The following DLG2 variants were observed in gnomAD, a reference collection of about 807,000 sequenced individuals.
DLG2 encodes discs large MAGUK scaffold protein 2.
DLG2 carries 45 observed loss-of-function variants against 132.5 expected under a neutral mutation model. That is an observed-to-expected ratio of 0.34 (90% CI 0.27 to 0.44). The LOEUF (loss-of-function observed/expected upper bound fraction) is 0.44. Among genes scored for constraint, DLG2 ranks in the 20% least tolerant of loss-of-function variants. The pLI, the probability that DLG2 is intolerant of heterozygous loss-of-function variation, is 1.00. For synonymous variants in DLG2, 424 were observed against 419.6 expected (o/e 1.01, Z -0.13); for missense variants, 1,045 against 1,196.9 (o/e 0.87, Z 1.87).
chr11:85,496,746 G>T lies in DLG2; in HGVS notation c.40+101911C>A, dbSNP rs554055227. Among the ~76,000 whole-genome samples, 3 of 152,264 alleles carry T rather than the reference G, an allele frequency of 2.0e-5. No homozygotes were observed. In the East Asian group the frequency reaches 5.8e-4, roughly 29 times the overall value. On this transcript the variant is annotated intron_variant, in intron 3 of 27. Coordinates refer to ENST00000376104, the MANE Select transcript of DLG2 (RefSeq NM_001142699.3). ...GAGGAAGGATCAGGCAGCAATATTT[G>T]CTGTTCTGCAACCTCCACCAGTGAT... is the stretch of plus-strand genomic sequence containing the variant.
chr11:83,859,634 A>C (rs7943977), intron 16 of DLG2, among the ~76,000 whole-genome samples: 81,910 of 152,022 alleles, frequency 0.54, 23,376 homozygotes, highest in Non-Finnish European at 0.64. Flanking sequence ...GCAGTTTGAC[A>C]ATGGGATAGA....
At position 84,899,114 on chromosome 11, in the gene DLG2, A is replaced by G. The variant is rs112564131; in HGVS notation, c.357+212547T>C. ...ATAGATCACTAAATAATCTTCTATA[A>G]AGAGAATTAAATAAATAAAACTGAT... On this transcript the variant is annotated intron_variant, in intron 6 of 27. Transcript: ENST00000376104. Among the ~76,000 whole-genome samples the G allele has an allele frequency of 4.1e-3, 630 of 152,196 alleles. 4 individuals carry two copies. Among genetic ancestry groups the G allele is most frequent in the African/African-American group, 0.015 (617 of 41,566 alleles).
chr11:84,948,388 G>C (rs571137485), intron 6 of DLG2, among the ~76,000 whole-genome samples: 1 of 152,152 alleles, frequency 6.6e-6, no homozygotes, highest in Admixed American at 6.5e-5. Flanking sequence ...CCAGAGATAA[G>C]CCCTGATGGC....
chr11:84,597,964 A>C (rs2099567792), intron 6 of DLG2, among the ~76,000 whole-genome samples: 1 of 152,244 alleles, frequency 6.6e-6, no homozygotes, highest in Non-Finnish European at 1.5e-5. Context: ...ATAGTGCTTA[A>C]TCAATCTATG....
chr11:84,711,915 G>C (rs2060496445), intron 6 of DLG2, among the ~76,000 whole-genome samples: 1 of 151,976 alleles, frequency 6.6e-6, no homozygotes. Context: ...CTTTATTTCA[G>C]GGATCTTCCA....
chr11:84,567,171 G>C (rs185681954), intron 6 of DLG2, among the ~76,000 whole-genome samples: 2 of 151,266 alleles, frequency 1.3e-5, no homozygotes, highest in Non-Finnish European at 2.9e-5. Context: ...AAGCGTTATT[G>C]AAAGAATAGA....
At chr11:85,606,362 A>G (rs1233550607) in intron 2 of DLG2, among the ~76,000 whole-genome samples, 1 of 152,170 alleles carries the variant, frequency 6.6e-6, no homozygotes, top group Non-Finnish European at 1.5e-5. Context: ...AGGATTGTAA[A>G]TGCACCAATC....
chr11:85,166,109 G>A (rs1331444045), intron 4 of DLG2, among the ~76,000 whole-genome samples: 3 of 151,890 alleles, frequency 2.0e-5, no homozygotes, highest in African/African-American at 4.8e-5. Context: ...CATTTCACAC[G>A]ATTGACCTCT....
intron 16 of DLG2, among the ~76,000 whole-genome samples, chr11:83,873,309 G>T (rs2040308): frequency 6.6e-6 from 1 of 151,928 alleles, no homozygotes; most frequent in African/African-American, 2.4e-5. Flanking sequence ...TGGTTTGGCT[G>T]TGTGTCCCCA....
At chr11:83,561,288 T>C (rs548327) in intron 19 of DLG2, among the ~76,000 whole-genome samples, 109,184 of 152,064 alleles carry the variant, frequency 0.72, 39,837 homozygotes, top group African/African-American at 0.85. Context: ...TGACACCATA[T>C]ATGAATACCC....
chr11:83,997,010 T>C (rs2094066713), intron 11 of DLG2, among the ~76,000 whole-genome samples: 1 of 152,106 alleles, frequency 6.6e-6, no homozygotes, highest in South Asian at 2.1e-4. Context: ...CTTGAGAGGA[T>C]GGATATCCCA....
intron 7 of DLG2, among the ~76,000 whole-genome samples, chr11:84,508,436 C>T (rs1242943082): frequency 2.1e-5 from 3 of 145,642 alleles, no homozygotes; most frequent in Admixed American, 6.9e-5. Flanking sequence ...GACAGAGTCT[C>T]GCTGTTGCCA....
chr11:84,321,111 T>A (rs1599833128), intron 7 of DLG2, among the ~76,000 whole-genome samples: 2 of 152,352 alleles, frequency 1.3e-5, no homozygotes, highest in East Asian at 3.9e-4. Flanking sequence ...ATTAAACTAA[T>A]GTCACTTCTG....
At chr11:85,106,993 T>C (rs913072626) in intron 6 of DLG2, among the ~76,000 whole-genome samples, 7 of 152,036 alleles carry the variant, frequency 4.6e-5, no homozygotes, top group African/African-American at 1.7e-4. Flanking sequence ...CTGCTATACA[T>C]TGAGAAATCC....
intron 7 of DLG2, among the ~76,000 whole-genome samples, chr11:84,501,057 C>T (rs1041322708): frequency 6.6e-6 from 1 of 152,062 alleles, no homozygotes; most frequent in Non-Finnish European, 1.5e-5. Context: ...ACTCAGTTTC[C>T]TTTGTTGTTT....
intron 4 of DLG2, among the ~76,000 whole-genome samples, chr11:85,212,141 C>G (rs2082293132): frequency 6.6e-6 from 1 of 152,042 alleles, no homozygotes; most frequent in Admixed American, 6.6e-5. Flanking sequence ...TAGATATAAA[C>G]TTTACAAATA....
chr11:84,859,669 C>T (rs1269051421), intron 6 of DLG2, among the ~76,000 whole-genome samples: 1 of 151,702 alleles, frequency 6.6e-6, no homozygotes, highest in Non-Finnish European at 1.5e-5. Flanking sequence ...CTATTTTCCT[C>T]TTTTTCCTTT....
At chr11:85,207,054 C>T (rs7112335) in intron 4 of DLG2, among the ~76,000 whole-genome samples, 6,598 of 152,128 alleles carry the variant, frequency 0.043, 191 homozygotes, top group East Asian at 0.092. Context: ...GTTGAGACAA[C>T]TTGTCAGTGA....
At chr11:85,605,440 T>C (rs1052663198) in intron 2 of DLG2, among the ~76,000 whole-genome samples, 17 of 152,244 alleles carry the variant, frequency 1.1e-4, no homozygotes, top group Non-Finnish European at 1.5e-5. Flanking sequence ...TCAAATTTAG[T>C]CTTTTAATTT....
Sources: allele counts gnomAD v4.1 joint callset (sites outside exome capture counted in the v4.1 genomes callset), GRCh38; gene constraint gnomAD v4.1.1; transcripts MANE v1.5; gene names NCBI Gene and HGNC (gene_info 2026-07-23, HGNC 2026-07-21).